CD302: variants seen among roughly 807,000 people sequenced by gnomAD.
CD302 encodes CD302 molecule.
A neutral mutation model predicts 26.5 loss-of-function variants in CD302; 23 were observed. That is an observed-to-expected ratio of 0.87 (90% CI 0.62 to 1.23). The LOEUF (loss-of-function observed/expected upper bound fraction) is 1.23, where lower values mean the gene tolerates loss of function less well. Ranked by LOEUF, CD302 falls within the 50% of genes most tolerant of loss-of-function variation. The pLI is 0.00. For missense variants in CD302, 290 were observed against 275.5 expected, an observed-to-expected ratio of 1.05 and a Z score of -0.37; for synonymous variants, 90 against 99.4, an observed-to-expected ratio of 0.91 and a Z score of 0.56.
chr2:159,781,928 A>T (rs1041708977), intron 2 of CD302, among the ~76,000 whole-genome samples: 2 of 152,174 alleles, frequency 1.3e-5, no homozygotes, highest in Non-Finnish European at 2.9e-5. Context: ...GTACAATTTG[A>T]TACATTCTTC....
rs774747759 is a variant in CD302 at position 159,783,465 on chromosome 2, A to C, written c.72T>G (p.Cys24Trp). The C allele has an allele frequency of 1.9e-6, 3 of 1,595,996 alleles. No homozygotes were observed. In the East Asian group the frequency reaches 6.7e-5, roughly 36 times the overall value. The stretch of plus-strand genomic sequence containing the variant: ...GGAACTGAATCCAAGTAGATGAAGG[A>C]CAGTCTATGTAGAAAAAAGAAGAAC... ...LGLAAAAVAD[C>W]PSSTWIQFQD... The change falls in exon 2 of 6, where the codon TGT becomes TGG. Residue 24 changes from cysteine to tryptophan, a missense_variant. Cys to Trp is a radical substitution (Grantham distance 215). Transcript: ENST00000259053.
chr2:159,780,876 A>G lies in CD302; in HGVS notation c.295+6T>C. The G allele has an allele frequency of 6.2e-7, 1 of 1,609,416 alleles. No individual in the cohort carries two copies. Among genetic ancestry groups the G allele is most frequent in the South Asian group, 1.1e-5 (1 of 90,298 alleles). On this transcript the variant is annotated splice_donor_region_variant and intron_variant, in intron 3 of 5. Transcript: ENST00000259053. Reference sequence around the variant, plus strand: ...AGTCACGTCCCACGAGGTAAATATCACTTACCATCTGTGTCATAAAACATG... The same window carrying G: ...AGTCACGTCCCACGAGGTAAATATCGCTTACCATCTGTGTCATAAAACATG...
chr2:159,788,937 A>C (rs1708736558), intron 1 of CD302, among the ~76,000 whole-genome samples: 2 of 152,044 alleles, frequency 1.3e-5, no homozygotes, highest in South Asian at 4.1e-4. Flanking sequence ...CAATACTGTT[A>C]ATACTCTCCA....
At position 159,769,549 on chromosome 2, in the gene CD302, C is replaced by T. The variant is rs1290575014; in HGVS notation, c.*2302G>A. On this transcript the variant is annotated 3_prime_UTR_variant, in exon 6 of 6. Coordinates refer to ENST00000259053, the MANE Select transcript of CD302 (RefSeq NM_014880.5). ...GTCCCAGCTACTAAGGAGGCTGAGG[C>T]AGGAGAATTGCTTGAAAACCTGCAA... 3 of 152,068 alleles carry T rather than the reference C, an allele frequency of 2.0e-5. No homozygotes were observed. Among genetic ancestry groups the T allele is most frequent in the African/African-American group, 7.3e-5 (3 of 41,370 alleles). The allele number at this position is 152,068 out of a possible 1,614,324, so 9.4% of individuals were successfully genotyped here.
intron 2 of CD302, chr2:159,781,525 A>T (rs1277217577): frequency 6.6e-6 from 1 of 150,826 alleles, no homozygotes; most frequent in East Asian, 1.9e-4. Flanking sequence ...ACACCACTGC[A>T]CTCCAGCCTG....
intron 3 of CD302, 69 bp downstream of exon 3, chr2:159,780,813 A>G (rs2303551): frequency 0.91 from 1,267,925 of 1,386,500 alleles, 580,510 homozygotes; most frequent in African/African-American, 0.97. Context: ...GAGAATTGAA[A>G]AGCCATCAGT....
chr2:159,781,278 G>T (rs978658246), intron 2 of CD302, among the ~76,000 whole-genome samples: 5 of 152,034 alleles, frequency 3.3e-5, no homozygotes, highest in African/African-American at 1.2e-4. Flanking sequence ...GCTGGGCGTG[G>T]TGGCTCATGC....
chr2:159,777,219 C>T (rs1708361443), intron 5 of CD302, among the ~76,000 whole-genome samples: 1 of 152,190 alleles, frequency 6.6e-6, no homozygotes, highest in Non-Finnish European at 1.5e-5. Flanking sequence ...CCACTGCACT[C>T]CGCAAATGGG....
Position 159,780,149 on chromosome 2 carries a change from T to C in CD302, c.325A>G (p.Asn109Asp), listed in dbSNP as rs750674228. 9.9e-6 allele frequency: 16 copies of C among 1,613,978 alleles called. No individual in the cohort carries two copies. Among genetic ancestry groups the C allele is most frequent in the South Asian group, 8.8e-5 (8 of 91,048 alleles). The change falls in exon 4 of 6, where the codon AAT becomes GAT. Residue 109 changes from asparagine to aspartate, a missense_variant. Asn to Asp is a conservative substitution (Grantham distance 23). Coordinates refer to ENST00000259053, the MANE Select transcript of CD302 (RefSeq NM_014880.5). The part of the protein sequence containing the change: ...DASFKWFDNS[N>D]MTFDKWTDQD... ...TCTGTCCACTTATCAAATGTCATAT[T>C]TGAATTATCAAACCACTTGAAACTC...
In CD302 at chr2:159,772,036, A is replaced by G; in HGVS notation, c.514T>C (p.Ser172Pro). Residue 172 changes from serine (S) to proline (P), a missense_variant, in exon 6 of 6, where the codon TCA becomes CCA. Ser to Pro is a moderately conservative substitution (Grantham distance 74). Coordinates refer to ENST00000259053, the MANE Select transcript of CD302 (RefSeq NM_014880.5). ...ACCGTGCTAGCAATCACCAATGCTG[A>G]TATTAAAATGTGGTTATCTGAAAAG... ...KYLSDNHILI[S>P]ALVIASTVIL... 5 of 1,613,908 alleles carry G rather than the reference A, an allele frequency of 3.1e-6. No individual in the cohort carries two copies. The highest frequency in any genetic ancestry group is 4.2e-6 in the Non-Finnish European group (5 of 1,179,866).
chr2:159,778,672 C>G (rs1286683263), intron 4 of CD302, among the ~76,000 whole-genome samples: 1 of 152,012 alleles, frequency 6.6e-6, no homozygotes, highest in Non-Finnish European at 1.5e-5. Flanking sequence ...GTTTTAAGCA[C>G]CCTAAATTCA....
chr2:159,791,523 C>T (rs929994432), intron 1 of CD302, among the ~76,000 whole-genome samples: 5 of 152,172 alleles, frequency 3.3e-5, no homozygotes, highest in East Asian at 3.8e-4. Flanking sequence ...CTTTATATAG[C>T]GGCTATCTGA....
chr2:159,798,019 C>T, intron 1 of CD302, 113 bp downstream of exon 1: 1 of 1,015,652 alleles, frequency 9.8e-7, no homozygotes, highest in Non-Finnish European at 1.4e-6. Flanking sequence ...GATGGCCGGC[C>T]GGGTGTTGCG....
intron 1 of CD302, among the ~76,000 whole-genome samples, chr2:159,789,489 T>C (rs576300097): frequency 4.3e-4 from 65 of 152,236 alleles, no homozygotes; most frequent in Non-Finnish European, 8.2e-4. Context: ...CTGAAAACTC[T>C]AATTTCTAGG....
intron 1 of CD302, among the ~76,000 whole-genome samples, chr2:159,796,693 G>T (rs1196958602): frequency 7.9e-5 from 12 of 152,110 alleles, no homozygotes; most frequent in African/African-American, 2.7e-4. Context: ...ATCCACACTG[G>T]ACTTATCAAA....
At chr2:159,793,800 A>T (rs956791273) in intron 1 of CD302, among the ~76,000 whole-genome samples, 10 of 152,048 alleles carry the variant, frequency 6.6e-5, no homozygotes, top group South Asian at 4.1e-4. Flanking sequence ...ACTCTTCCCA[A>T]TCTAGCTTTC....
At chr2:159,773,787 A>G (rs1440658825) in intron 5 of CD302, among the ~76,000 whole-genome samples, 3 of 152,196 alleles carry the variant, frequency 2.0e-5, no homozygotes, top group African/African-American at 4.8e-5. Context: ...TGTATTATCT[A>G]CCTCATTAAT....
intron 2 of CD302, among the ~76,000 whole-genome samples, chr2:159,782,214 G>A (rs1708533751): frequency 6.6e-6 from 1 of 151,812 alleles, no homozygotes; most frequent in South Asian, 2.1e-4. Flanking sequence ...CAGGAGACGA[G>A]ACCATCCTGG....
At chr2:159,775,754 CTG>C (rs1299654701) in intron 5 of CD302, among the ~76,000 whole-genome samples, 24 of 152,310 alleles carry the variant, frequency 1.6e-4, no homozygotes, top group Admixed American at 1.1e-3. Flanking sequence ...AAAATGGAAA[CTG>C]TACCTATTAA....
Sources: allele counts gnomAD v4.1 joint callset (sites outside exome capture counted in the v4.1 genomes callset), GRCh38; gene constraint gnomAD v4.1.1; transcripts MANE v1.5; gene names NCBI Gene and HGNC (gene_info 2026-07-23, HGNC 2026-07-21).